KCNIP1: variants seen among roughly 807,000 people sequenced by gnomAD.
KCNIP1 encodes potassium voltage-gated channel interacting protein 1, also known as A-type potassium channel modulatory protein KCNIP1.
KCNIP1 carries 18 observed loss-of-function variants against 33.0 expected under a neutral mutation model. That is an observed-to-expected ratio of 0.55 (90% CI 0.38 to 0.81). The LOEUF is 0.81. Ranked by LOEUF, KCNIP1 falls within the 30% of genes least tolerant of loss-of-function variation. The pLI is 0.00. For synonymous variants in KCNIP1, 93 were observed against 98.3 expected, an observed-to-expected ratio of 0.95 and a Z score of 0.32; for missense variants, 238 against 271.6, an observed-to-expected ratio of 0.88 and a Z score of 0.87.
chr5:170,390,517 A>AAAAATATATAT, intron 1 of KCNIP1, among the ~76,000 whole-genome samples: 1 of 74,548 alleles, frequency 1.3e-5, no homozygotes, highest in Non-Finnish European at 2.5e-5. Context: ...AAAAAAAACA[A>AAAAATATATAT]ATATATATAT....
rs527397427 is a variant in KCNIP1, at chr5:170,538,275, C to T, written c.61+33642C>T. ...CTCACAACTGCTCTGAGGCACATGCCATCGGAAAGCTGGGCTAATAATTAA... is the reference window on the plus strand; with the variant it reads ...CTCACAACTGCTCTGAGGCACATGCTATCGGAAAGCTGGGCTAATAATTAA... On this transcript the variant is annotated intron_variant, in intron 1 of 7. Coordinates refer to ENST00000328939, the MANE Select transcript of KCNIP1 (RefSeq NM_014592.4). 2.6e-5 allele frequency among the ~76,000 whole-genome samples: 4 copies of T among 152,286 alleles called. No homozygotes were observed. In the South Asian group the frequency reaches 8.3e-4, roughly 32 times the overall value.
chr5:170,528,752 A>G (rs1755676679), intron 1 of KCNIP1, among the ~76,000 whole-genome samples: 1 of 152,198 alleles, frequency 6.6e-6, no homozygotes. Context: ...TCAGAAATCT[A>G]AGGTTCTAAA....
intron 1 of KCNIP1, among the ~76,000 whole-genome samples, chr5:170,585,170 T>G (rs1238804670): frequency 1.3e-5 from 2 of 151,730 alleles, no homozygotes; most frequent in East Asian, 3.9e-4. Flanking sequence ...AAAAAAAATC[T>G]GAGTTGAAAG....
At chr5:170,605,859 C>A (rs1249490342) in intron 1 of KCNIP1, among the ~76,000 whole-genome samples, 1 of 148,514 alleles carries the variant, frequency 6.7e-6, no homozygotes, top group Non-Finnish European at 1.5e-5. Flanking sequence ...CCTGTAACCT[C>A]TGCCCCCTGG....
At chr5:170,672,247 G>A (rs535067710) in intron 1 of KCNIP1, among the ~76,000 whole-genome samples, 1 of 152,322 alleles carries the variant, frequency 6.6e-6, no homozygotes, top group African/African-American at 2.4e-5. Context: ...GGGAGACAGG[G>A]GCCAGATCAC....
intron 1 of KCNIP1, among the ~76,000 whole-genome samples, chr5:170,428,323 A>G (rs1755658671): frequency 6.6e-6 from 1 of 152,206 alleles, no homozygotes; most frequent in Non-Finnish European, 1.5e-5. Flanking sequence ...CACAGTGCGA[A>G]AGATAGGATA....
intron 1 of KCNIP1, among the ~76,000 whole-genome samples, chr5:170,567,714 T>A (rs1483839064): frequency 1.3e-5 from 2 of 152,234 alleles, no homozygotes; most frequent in African/African-American, 2.4e-5. Flanking sequence ...AAAGTGATGA[T>A]GTTCTGGAAA....
At chr5:170,442,397 C>T (rs896167591) in intron 1 of KCNIP1, among the ~76,000 whole-genome samples, 1 of 152,192 alleles carries the variant, frequency 6.6e-6, no homozygotes, top group Admixed American at 6.5e-5. Context: ...TTGTCCAAGT[C>T]GCTGTCCTAT....
intron 1 of KCNIP1, among the ~76,000 whole-genome samples, chr5:170,704,988 C>T (rs979831143): frequency 2.6e-5 from 4 of 152,144 alleles, no homozygotes; most frequent in African/African-American, 9.7e-5. Flanking sequence ...GGCTCTCTGG[C>T]AGGATGTGAG....
chr5:170,710,801 T>G lies in KCNIP1; in HGVS notation c.62-7957T>G, dbSNP rs113958345. Among the ~76,000 whole-genome samples the G allele has an allele frequency of 3.5e-3, 537 of 152,364 alleles. 2 individuals carry two copies. Among genetic ancestry groups the G allele is most frequent in the African/African-American group, 0.012 (492 of 41,588 alleles). ...TTGCATATGCTCTTCCCTTGTTCCC[T>G]CATTCTTCAACACTCAACTGAATTA... On this transcript the variant is annotated intron_variant, in intron 1 of 7. Coordinates refer to ENST00000328939, the MANE Select transcript of KCNIP1 (RefSeq NM_014592.4).
intron 1 of KCNIP1, among the ~76,000 whole-genome samples, chr5:170,365,829 A>G (rs1227604960): frequency 6.6e-6 from 1 of 152,246 alleles, no homozygotes; most frequent in Non-Finnish European, 1.5e-5. Context: ...TAATGCCAAT[A>G]CCACAGGTTT....
chr5:170,597,784 A>AATAGATATATATAT (rs1433551163), intron 1 of KCNIP1, among the ~76,000 whole-genome samples: 4 of 134,482 alleles, frequency 3.0e-5, no homozygotes, highest in African/African-American at 1.2e-4. Flanking sequence ...GAGAGAGATA[A>AATAGATATATATAT]ATATATATAT....
chr5:170,390,517 A>AAAATAT, intron 1 of KCNIP1, among the ~76,000 whole-genome samples: 42 of 74,518 alleles, frequency 5.6e-4, no homozygotes, highest in Middle Eastern at 6.6e-3. Context: ...AAAAAAAACA[A>AAAATAT]ATATATATAT....
chr5:170,365,070 G>C (rs775032331), intron 1 of KCNIP1, among the ~76,000 whole-genome samples: 3 of 152,150 alleles, frequency 2.0e-5, no homozygotes, highest in Non-Finnish European at 4.4e-5. Flanking sequence ...CATCCACTAA[G>C]AGTCGAGCTC....
At chr5:170,515,669 G>A (rs948362080) in intron 1 of KCNIP1, among the ~76,000 whole-genome samples, 7 of 152,200 alleles carry the variant, frequency 4.6e-5, no homozygotes, top group Non-Finnish European at 8.8e-5. Flanking sequence ...ATAAGCAAAT[G>A]TCCAATGTCT....
At chr5:170,596,351 C>A (rs374157804) in intron 1 of KCNIP1, among the ~76,000 whole-genome samples, 18 of 152,328 alleles carry the variant, frequency 1.2e-4, no homozygotes, top group South Asian at 6.2e-4. Context: ...TCATCATGGG[C>A]AGCTGCCTCT....
In KCNIP1 at chr5:170,504,090, GTCCGGGCTCTGTTC is replaced by G; in HGVS notation, c.-482_-469del. ...GCGCGCTGTGGCTCCGCGCCGCGCG[GTCCGGGCTCTGTTC>G]ATTCATGATTGGTACTCGGCCCTCC... is the stretch of plus-strand genomic sequence containing the variant. On this transcript the variant is annotated 5_prime_UTR_variant, in exon 1 of 8. Coordinates refer to ENST00000328939, the MANE Select transcript of KCNIP1 (RefSeq NM_014592.4). The surrounding 1 kb of genome is among the most constrained non-coding windows in gnomAD (Gnocchi z 6.0). 8.1e-6 allele frequency: 8 copies of G among 986,064 alleles called. No homozygotes were observed. The highest frequency in any genetic ancestry group is 9.6e-6 in the Non-Finnish European group (8 of 830,466). 61.1% of individuals were successfully genotyped at this position (986,064 alleles called of 1,614,324 possible).
At chr5:170,480,000 A>G (rs1366760100) in intron 1 of KCNIP1, among the ~76,000 whole-genome samples, 2 of 152,228 alleles carry the variant, frequency 1.3e-5, no homozygotes, top group Non-Finnish European at 2.9e-5. Context: ...ATAAAACCAT[A>G]AGTTTAATAT....
intron 1 of KCNIP1, among the ~76,000 whole-genome samples, chr5:170,373,301 G>C (rs1181857683): frequency 1.3e-5 from 2 of 152,202 alleles, no homozygotes; most frequent in Non-Finnish European, 2.9e-5. Flanking sequence ...CCCCCAGTGG[G>C]AATCTGATGG....
Sources: allele counts gnomAD v4.1 joint callset (sites outside exome capture counted in the v4.1 genomes callset), GRCh38; gene constraint gnomAD v4.1.1; non-coding constraint Gnocchi (gnomAD v3.1); transcripts MANE v1.5; gene names NCBI Gene and HGNC (gene_info 2026-07-23, HGNC 2026-07-21).